The following CSMD1 variants were observed in gnomAD, a reference collection of about 807,000 sequenced individuals.
The protein encoded by CSMD1 is CUB and Sushi multiple domains 1, also known as CUB and sushi domain-containing protein 1.
In CSMD1, 213 loss-of-function variants were observed where a neutral mutation model predicts 417.5. The observed-to-expected ratio is 0.51, with a 90% CI of 0.46 to 0.57. The LOEUF (loss-of-function observed/expected upper bound fraction) is 0.57, where lower values mean the gene tolerates loss of function less well. Among genes scored for constraint, CSMD1 ranks in the 20% least tolerant of loss-of-function variants. The pLI is 0.00. For synonymous variants in CSMD1, 2,862 were observed against 1,736.8 expected, an observed-to-expected ratio of 1.65 and a Z score of -16.11; for missense variants, 6,923 against 4,529.7, an observed-to-expected ratio of 1.53 and a Z score of -15.17.
At chr8:4,835,654 T>C (rs1270900573) in intron 1 of CSMD1, among the ~76,000 whole-genome samples, 1 of 152,186 alleles carries the variant, frequency 6.6e-6, no homozygotes, top group Non-Finnish European at 1.5e-5. Flanking sequence ...AAGACATCGG[T>C]GAGTTTGCAT....
chr8:4,043,407 A>G (rs1329812208), intron 3 of CSMD1, among the ~76,000 whole-genome samples: 2 of 152,232 alleles, frequency 1.3e-5, no homozygotes, highest in Non-Finnish European at 2.9e-5. Flanking sequence ...AGGAAGCGTA[A>G]ATGACATGAA....
intron 5 of CSMD1, among the ~76,000 whole-genome samples, chr8:3,956,321 G>C (rs1263369521): frequency 6.6e-6 from 1 of 152,124 alleles, no homozygotes; most frequent in Non-Finnish European, 1.5e-5. Context: ...TCTCAAGATG[G>C]GGAAACTGAA....
In CSMD1 at chr8:4,970,293, C is replaced by G. The variant is rs368540571; in HGVS notation, c.85+24039G>C. On this transcript the variant is annotated intron_variant, in intron 1 of 69. Transcript: ENST00000635120. ...TGCCTGTAAGTGATAGATCATTTGT[C>G]TGTAAAATGGGAATAAGTAAATGTG... 9.1e-4 allele frequency among the ~76,000 whole-genome samples: 138 copies of G among 152,100 alleles called. 1 individual carries two copies. The South Asian group carries it at 0.021, about 24-fold the overall frequency.
chr8:3,224,199 C>T (rs150805831), intron 27 of CSMD1, among the ~76,000 whole-genome samples: 136 of 152,306 alleles, frequency 8.9e-4, no homozygotes, highest in Non-Finnish European at 1.4e-3. Flanking sequence ...TACCTGCCAA[C>T]GTGCACACAT....
chr8:3,628,747 G>A (rs1796616874), intron 7 of CSMD1, among the ~76,000 whole-genome samples: 2 of 152,130 alleles, frequency 1.3e-5, no homozygotes, highest in South Asian at 4.1e-4. Flanking sequence ...GAGCCATACG[G>A]AAAAGTGACC....
chr8:3,857,729 A>G (rs1418262279), intron 5 of CSMD1, among the ~76,000 whole-genome samples: 1 of 152,230 alleles, frequency 6.6e-6, no homozygotes, highest in East Asian at 1.9e-4. Context: ...CCATTTACAA[A>G]GACAGTTTTT....
At chr8:3,954,597 C>T (rs1435227762) in intron 5 of CSMD1, among the ~76,000 whole-genome samples, 1 of 152,188 alleles carries the variant, frequency 6.6e-6, no homozygotes, top group African/African-American at 2.4e-5. Context: ...CGCCTGACCT[C>T]GTGATCCGCC....
At chr8:3,778,385 G>T (rs1056396412) in intron 5 of CSMD1, among the ~76,000 whole-genome samples, 3 of 152,132 alleles carry the variant, frequency 2.0e-5, no homozygotes, top group African/African-American at 4.8e-5. Context: ...GAAGACCGGG[G>T]GCAGAAACAA....
In CSMD1 at chr8:3,288,879, G is replaced by C. The variant is rs546615841; in HGVS notation, c.3951-4533C>G. 2.0e-4 allele frequency among the ~76,000 whole-genome samples: 29 copies of C among 146,710 alleles called. 1 individual carries two copies. The South Asian group carries it at 6.0e-3, about 30-fold the overall frequency. ...TTAGGGTACATGTGCACAACCTACA[G>C]GTTTGTTGCATATGTATACATGTGC... On this transcript the variant is annotated intron_variant, in intron 25 of 69. Coordinates refer to ENST00000635120, the MANE Select transcript of CSMD1 (RefSeq NM_033225.6).
In CSMD1 at chr8:4,447,242, C is replaced by G. The variant is rs73660841; in HGVS notation, c.303-27177G>C. On this transcript the variant is annotated intron_variant, in intron 2 of 69. Transcript: ENST00000635120. ...TGACAAAGTTCTTGCCTGATGGATG[C>G]TTACGTTATAGCAGGTTAGATACAA... Among the ~76,000 whole-genome samples, 1,063 of 152,256 alleles carry G rather than the reference C, an allele frequency of 7.0e-3. 18 individuals are homozygous for G. Among genetic ancestry groups the G allele is most frequent in the African/African-American group, 0.024 (1,012 of 41,540 alleles).
intron 1 of CSMD1, among the ~76,000 whole-genome samples, chr8:4,665,259 A>T (rs1339690808): frequency 6.6e-6 from 1 of 152,150 alleles, no homozygotes; most frequent in African/African-American, 2.4e-5. Context: ...CTGAAACTTC[A>T]AAGTTTGGCT....
Position 4,497,202 on chromosome 8 carries a change from G to A in CSMD1, c.303-77137C>T, listed in dbSNP as rs141939019. 2.0e-5 allele frequency among the ~76,000 whole-genome samples: 3 copies of A among 152,042 alleles called. No individual in the cohort carries two copies. The East Asian group carries it at 5.8e-4, about 29-fold the overall frequency. ...GCATGTGGTCTTTTACCTTTCCTTG[G>A]CCTCCAGACTGTGCTACTCCTGGAT... On this transcript the variant is annotated intron_variant, in intron 2 of 69. Transcript: ENST00000635120.
At chr8:4,756,962 A>G (rs75387659) in intron 1 of CSMD1, among the ~76,000 whole-genome samples, 2,280 of 152,368 alleles carry the variant, frequency 0.015, 17 homozygotes, top group East Asian at 0.053. Flanking sequence ...GTTCAAACAC[A>G]TAAGCTGGTG....
At chr8:3,912,928 A>T (rs182825896) in intron 5 of CSMD1, among the ~76,000 whole-genome samples, 71 of 152,320 alleles carry the variant, frequency 4.7e-4, no homozygotes, top group Admixed American at 7.2e-4. Context: ...TCATTCAGGT[A>T]AGAGAACACA....
chr8:3,701,698 G>C (rs1483635535), intron 7 of CSMD1, among the ~76,000 whole-genome samples: 2 of 152,128 alleles, frequency 1.3e-5, no homozygotes, highest in Non-Finnish European at 2.9e-5. Flanking sequence ...CAATCAGTCA[G>C]GGTATTTACA....
At chr8:4,517,913 A>C (rs1803212495) in intron 2 of CSMD1, among the ~76,000 whole-genome samples, 2 of 152,220 alleles carry the variant, frequency 1.3e-5, no homozygotes, top group African/African-American at 4.8e-5. Context: ...TAACAGTCTA[A>C]GAGTACATAT....
At chr8:4,745,451 T>C (rs1294631068) in intron 1 of CSMD1, among the ~76,000 whole-genome samples, 1 of 152,162 alleles carries the variant, frequency 6.6e-6, no homozygotes, top group Non-Finnish European at 1.5e-5. Context: ...GAAAGAAAGC[T>C]CTCTTAGATA....
chr8:3,893,339 T>TATATATA (rs1807113679), intron 5 of CSMD1, among the ~76,000 whole-genome samples: 1 of 80,440 alleles, frequency 1.2e-5, no homozygotes, highest in Non-Finnish European at 2.8e-5. Flanking sequence ...ATTCACAATT[T>TATATATA]TATATATATA....
intron 5 of CSMD1, among the ~76,000 whole-genome samples, chr8:3,875,713 T>C (rs892226907): frequency 2.0e-5 from 3 of 152,112 alleles, no homozygotes; most frequent in African/African-American, 4.8e-5. Context: ...CAGAATCTTC[T>C]CGAGTGGATT....
Sources: gnomAD v4.1 joint callset for allele counts (sites outside exome capture counted in the v4.1 genomes callset) on GRCh38, gnomAD v4.1.1 for gene constraint, MANE v1.5 for transcripts, NCBI Gene and HGNC (gene_info 2026-07-23, HGNC 2026-07-21) for gene names.